Variants in PLPP4 observed in about 807,000 individuals in gnomAD.
PLPP4 encodes phospholipid phosphatase 4, also known as diacylglycerol pyrophosphate like 2.
A neutral mutation model predicts 32.2 loss-of-function variants in PLPP4; 20 were observed. The observed-to-expected ratio is 0.62, with a 90% confidence interval of 0.44 to 0.90. The LOEUF is 0.90. Among genes scored for constraint, PLPP4 ranks in the 40% least tolerant of loss-of-function variants. The pLI, the probability that PLPP4 is intolerant of heterozygous loss-of-function variation, is 0.00. For missense variants in PLPP4, 257 were observed against 353.1 expected, an observed-to-expected ratio of 0.73 and a Z score of 2.18; for synonymous variants, 127 against 133.0, an observed-to-expected ratio of 0.95 and a Z score of 0.31.
chr10:120,583,884 C>G (rs2134079857), intron 6 of PLPP4, among the ~76,000 whole-genome samples: 1 of 152,308 alleles, frequency 6.6e-6, no homozygotes, highest in South Asian at 2.1e-4. Flanking sequence ...GGAAACACCA[C>G]TGGTGGTAGG....
chr10:120,584,554 C>G (rs1357934663), intron 6 of PLPP4, among the ~76,000 whole-genome samples: 2 of 152,194 alleles, frequency 1.3e-5, no homozygotes, highest in African/African-American at 2.4e-5. Context: ...CACTGAGATC[C>G]ATTTATTTCC....
At chr10:120,483,420 C>A (rs1395871722) in intron 1 of PLPP4, among the ~76,000 whole-genome samples, 6 of 152,178 alleles carry the variant, frequency 3.9e-5, no homozygotes. Flanking sequence ...TTAATACATT[C>A]TCTTAGGGGT....
intron 5 of PLPP4, among the ~76,000 whole-genome samples, chr10:120,553,203 A>G (rs1387720996): frequency 6.6e-6 from 1 of 152,224 alleles, no homozygotes; most frequent in Non-Finnish European, 1.5e-5. Flanking sequence ...TTAATATGAC[A>G]GTTGTCATGA....
At chr10:120,511,829 C>T (rs1212869397) in intron 2 of PLPP4, among the ~76,000 whole-genome samples, 1 of 152,152 alleles carries the variant, frequency 6.6e-6, no homozygotes, top group Non-Finnish European at 1.5e-5. Context: ...TGCGGTGGCT[C>T]ACACCTGTAA....
chr10:120,565,361 T>C (rs1381119894), intron 5 of PLPP4, among the ~76,000 whole-genome samples: 4 of 142,544 alleles, frequency 2.8e-5, no homozygotes, highest in East Asian at 2.0e-4. Flanking sequence ...TGTGTGTGTG[T>C]GCTGTATGCT....
rs1356796066 is a variant in PLPP4, at chr10:120,477,818, G to T, written c.56+20457G>T. Among the ~76,000 whole-genome samples, 30 of 152,158 alleles carry T rather than the reference G, an allele frequency of 2.0e-4. 1 individual carries two copies. The highest frequency in any genetic ancestry group is 1.9e-3 in the Admixed American group (29 of 15,274). Reference sequence around the variant, plus strand: ...GTGAATGAATTGACTGCAGTGAGGGGATTTCAGATCACACTTCTGCCTACT... The same window carrying T: ...GTGAATGAATTGACTGCAGTGAGGGTATTTCAGATCACACTTCTGCCTACT... On this transcript the variant is annotated intron_variant, in intron 1 of 6. Coordinates refer to ENST00000398250, the MANE Select transcript of PLPP4 (RefSeq NM_001030059.3).
chr10:120,565,509 T>G (rs1848653160), intron 5 of PLPP4, among the ~76,000 whole-genome samples: 1 of 152,234 alleles, frequency 6.6e-6, no homozygotes, highest in Admixed American at 6.5e-5. Flanking sequence ...TAGCTTTGAT[T>G]TTTTGGATCT....
intron 2 of PLPP4, among the ~76,000 whole-genome samples, chr10:120,504,564 G>A (rs569680210): frequency 2.6e-5 from 4 of 152,352 alleles, no homozygotes; most frequent in Admixed American, 2.6e-4. Flanking sequence ...ACTAACAGTT[G>A]ATAGGAGGCT....
At chr10:120,518,989 A>G in intron 4 of PLPP4, 93 bp downstream of exon 4, 1 of 870,550 alleles carries the variant, frequency 1.1e-6, no homozygotes, top group East Asian at 2.6e-5. Context: ...GACAGATTTG[A>G]GCTCATCTAG....
intron 3 of PLPP4, among the ~76,000 whole-genome samples, chr10:120,515,937 TCA>T (rs1845918128): frequency 6.6e-6 from 1 of 152,192 alleles, no homozygotes. Flanking sequence ...AGTAAGTAGC[TCA>T]CAGTTGCCTT....
intron 5 of PLPP4, among the ~76,000 whole-genome samples, chr10:120,533,860 T>C (rs2133943040): frequency 6.6e-6 from 1 of 152,250 alleles, no homozygotes; most frequent in African/African-American, 2.4e-5. Context: ...TTCATTTCCT[T>C]AGTCCAATCC....
At chr10:120,536,673 A>AAAAG (rs1847035630) in intron 5 of PLPP4, among the ~76,000 whole-genome samples, 1 of 150,522 alleles carries the variant, frequency 6.6e-6, no homozygotes, top group African/African-American at 2.4e-5. Flanking sequence ...AGCACAGGCA[A>AAAAG]AAAAAAAAAA....
At chr10:120,465,137 A>T (rs1259665694) in intron 1 of PLPP4, among the ~76,000 whole-genome samples, 1 of 152,252 alleles carries the variant, frequency 6.6e-6, no homozygotes, top group South Asian at 2.1e-4. Flanking sequence ...TTTTTCAATG[A>T]TAGCATTTGT....
At chr10:120,560,487 G>A (rs538158768) in intron 5 of PLPP4, among the ~76,000 whole-genome samples, 1 of 152,226 alleles carries the variant, frequency 6.6e-6, no homozygotes, top group African/African-American at 2.4e-5. Flanking sequence ...GGGCGCAGTG[G>A]CTCACGCCTG....
At chr10:120,461,563 G>A (rs192981257) in intron 1 of PLPP4, among the ~76,000 whole-genome samples, 6 of 152,314 alleles carry the variant, frequency 3.9e-5, no homozygotes, top group African/African-American at 1.4e-4. Flanking sequence ...GGGTGCACAG[G>A]TAATGGTGTT....
intron 1 of PLPP4, among the ~76,000 whole-genome samples, chr10:120,476,204 C>A (rs1209072353): frequency 6.6e-6 from 1 of 152,220 alleles, no homozygotes; most frequent in Non-Finnish European, 1.5e-5. Flanking sequence ...TGCCTGGGGC[C>A]AGCTGTGCCC....
intron 1 of PLPP4, among the ~76,000 whole-genome samples, chr10:120,481,006 T>G (rs1031791280): frequency 1.3e-5 from 2 of 152,238 alleles, no homozygotes; most frequent in Non-Finnish European, 2.9e-5. Context: ...TGATTGTACA[T>G]CTTCCCTTTG....
intron 1 of PLPP4, among the ~76,000 whole-genome samples, chr10:120,465,013 G>A (rs1318343018): frequency 6.6e-6 from 1 of 152,176 alleles, no homozygotes; most frequent in Non-Finnish European, 1.5e-5. Context: ...AATGCTCCCG[G>A]CACTGCAAAA....
intron 5 of PLPP4, among the ~76,000 whole-genome samples, chr10:120,524,940 A>G (rs997715265): frequency 6.6e-6 from 1 of 152,234 alleles, no homozygotes; most frequent in Non-Finnish European, 1.5e-5. Flanking sequence ...TATGAGAGAA[A>G]AATAGAAAAA....
Sources: allele counts gnomAD v4.1 joint callset (sites outside exome capture counted in the v4.1 genomes callset), GRCh38; gene constraint gnomAD v4.1.1; transcripts MANE v1.5; gene names NCBI Gene and HGNC (gene_info 2026-07-23, HGNC 2026-07-21).